The following GLYATL2 variants were observed in gnomAD, a reference collection of about 807,000 sequenced individuals.
GLYATL2 encodes the protein glycine-N-acyltransferase like 2.
GLYATL2 carries 25 observed loss-of-function variants against 21.4 expected under a neutral mutation model. The ratio of observed to expected loss-of-function variants is 1.17; its 90% CI spans 0.85 to 1.63. GLYATL2 has a LOEUF of 1.63. GLYATL2 is among the 40% of genes most tolerant of loss of function. The pLI, the probability that GLYATL2 is intolerant of heterozygous loss-of-function variation, is 0.00. For missense variants in GLYATL2, 361 were observed against 343.3 expected, an observed-to-expected ratio of 1.05 and a Z score of -0.41; for synonymous variants, 114 against 118.2, an observed-to-expected ratio of 0.96 and a Z score of 0.23.
chr11:58,902,613 G>C (rs1854759045), intron 1 of GLYATL2, among the ~76,000 whole-genome samples: 1 of 152,130 alleles, frequency 6.6e-6, no homozygotes, highest in South Asian at 2.1e-4. Context: ...AACTTCACCA[G>C]ACCTGGCCTT....
chr11:58,867,126 C>A (rs1854036164), intron 1 of GLYATL2, among the ~76,000 whole-genome samples: 1 of 148,908 alleles, frequency 6.7e-6, no homozygotes, highest in South Asian at 2.1e-4. Flanking sequence ...GTTTTAGGGC[C>A]TCATAGGGAT....
At chr11:58,895,010 T>C (rs1438172909) in intron 1 of GLYATL2, among the ~76,000 whole-genome samples, 2 of 152,160 alleles carry the variant, frequency 1.3e-5, no homozygotes, top group African/African-American at 4.8e-5. Flanking sequence ...AATTTGCCTG[T>C]TTCAAAATGG....
At chr11:58,877,334 A>T (rs1197817109) in intron 1 of GLYATL2, among the ~76,000 whole-genome samples, 1 of 152,210 alleles carries the variant, frequency 6.6e-6, no homozygotes, top group Non-Finnish European at 1.5e-5. Context: ...CCTCAGTTGG[A>T]AATGCAGAAA....
At chr11:58,872,960 T>C (rs1019193312) in intron 1 of GLYATL2, among the ~76,000 whole-genome samples, 101 of 152,352 alleles carry the variant, frequency 6.6e-4, no homozygotes, top group Non-Finnish European at 1.3e-3. Context: ...TTTTATTTCC[T>C]TGAGCAGTGG....
At chr11:58,890,662 G>A (rs999028277) in intron 1 of GLYATL2, among the ~76,000 whole-genome samples, 1 of 151,788 alleles carries the variant, frequency 6.6e-6, no homozygotes, top group Non-Finnish European at 1.5e-5. Context: ...TATTCTTGAG[G>A]GATAACATCC....
intron 1 of GLYATL2, among the ~76,000 whole-genome samples, chr11:58,897,106 A>G (rs543291414): frequency 6.6e-6 from 1 of 152,322 alleles, no homozygotes; most frequent in South Asian, 2.1e-4. Context: ...CTTTCCTTTT[A>G]CCTTCAGTAA....
intron 1 of GLYATL2, among the ~76,000 whole-genome samples, chr11:58,851,905 T>C (rs1853748266): frequency 6.6e-6 from 1 of 152,176 alleles, no homozygotes; most frequent in Admixed American, 6.5e-5. Flanking sequence ...GATAGCCTAC[T>C]GAGACGAGAA....
chr11:58,860,142 C>T (rs1207492958), intron 1 of GLYATL2, among the ~76,000 whole-genome samples: 1 of 151,900 alleles, frequency 6.6e-6, no homozygotes, highest in African/African-American at 2.4e-5. Flanking sequence ...GTTTTATATT[C>T]CTTTGAAGAA....
rs116730140 is a variant in GLYATL2, at chr11:58,889,354, G to A, written n.60+14802C>T. On this transcript the variant is annotated intron_variant and non_coding_transcript_variant, in intron 1 of 4. Transcript: ENST00000533636. ...TACTCTGCAAACAAAGTAATTTGCTGCTTCTTTGCCAATATTTATATGGGT... is the reference window on the plus strand; with the variant it reads ...TACTCTGCAAACAAAGTAATTTGCTACTTCTTTGCCAATATTTATATGGGT... Among the ~76,000 whole-genome samples, 1,111 of 151,902 alleles carry A rather than the reference G, an allele frequency of 7.3e-3. 26 individuals are homozygous for A. The highest frequency in any genetic ancestry group is 0.025 in the African/African-American group (1,051 of 41,462).
chr11:58,849,132 C>G (rs1228773375), upstream of GLYATL2, among the ~76,000 whole-genome samples: 1 of 152,106 alleles, frequency 6.6e-6, no homozygotes, highest in Non-Finnish European at 1.5e-5. Context: ...CTTTCCCAGA[C>G]AAGAGCTGAG....
upstream of GLYATL2, chr11:58,905,680 T>C: frequency 2.3e-6 from 1 of 436,090 alleles, no homozygotes; most frequent in South Asian, 1.6e-5. Context: ...GAACTGGCTG[T>C]GGACCGAGTG....
chr11:58,837,383 GTCA>G lies in GLYATL2; in HGVS notation c.198_200del (p.Asp67del), dbSNP rs776491963. ...GGTAAGTGTTGGTATAATGATCCTG[GTCA>G]TCTTTCATCTCCTGATATAACAAAT... is the stretch of plus-strand genomic sequence containing the variant. On this transcript the variant is annotated inframe_deletion, in exon 4 of 6. Transcript: ENST00000287275. 6.2e-7 allele frequency: 1 copy of G among 1,612,902 alleles called. No individual in the cohort carries two copies. Among genetic ancestry groups the G allele is most frequent in the Non-Finnish European group, 8.5e-7 (1 of 1,179,108 alleles).
At chr11:58,885,613 C>G in intron 1 of GLYATL2, 1 of 309,118 alleles carries the variant, frequency 3.2e-6, no homozygotes, top group Non-Finnish European at 6.3e-6. Context: ...ATTTCAGACA[C>G]CAGGGCTGCT....
At chr11:58,872,975 T>C (rs1854153704) in intron 1 of GLYATL2, among the ~76,000 whole-genome samples, 1 of 152,230 alleles carries the variant, frequency 6.6e-6, no homozygotes, top group African/African-American at 2.4e-5. Flanking sequence ...CAGTGGTTTG[T>C]AGTTCTCCTT....
intron 1 of GLYATL2, among the ~76,000 whole-genome samples, chr11:58,854,346 G>C (rs1015135673): frequency 6.6e-6 from 1 of 152,182 alleles, no homozygotes; most frequent in African/African-American, 2.4e-5. Context: ...CAATAAAGTG[G>C]GTATTCCAGT....
chr11:58,882,760 A>G (rs1854363614), intron 1 of GLYATL2, among the ~76,000 whole-genome samples: 1 of 152,198 alleles, frequency 6.6e-6, no homozygotes, highest in African/African-American at 2.4e-5. Flanking sequence ...ATTTTTGTAT[A>G]AAGTGTAAGG....
chr11:58,909,210 A>G (rs932052592), upstream of GLYATL2, among the ~76,000 whole-genome samples: 3 of 152,204 alleles, frequency 2.0e-5, no homozygotes, highest in Non-Finnish European at 2.9e-5. Context: ...TCAAACTCAT[A>G]GATGTAGAAG....
intron 1 of GLYATL2, chr11:58,893,411 G>A: frequency 4.2e-6 from 1 of 235,676 alleles, no homozygotes. Context: ...GTGGCCACCT[G>A]TGAGTGGCAC....
chr11:58,851,254 T>G (rs1302838179), intron 1 of GLYATL2, among the ~76,000 whole-genome samples: 3 of 152,196 alleles, frequency 2.0e-5, no homozygotes, highest in Non-Finnish European at 4.4e-5. Context: ...TGTGTCTTTA[T>G]TTCTATGATC....
Sources: gnomAD v4.1 joint callset for allele counts (sites outside exome capture counted in the v4.1 genomes callset) on GRCh38, gnomAD v4.1.1 for gene constraint, MANE v1.5 for transcripts, NCBI Gene and HGNC (gene_info 2026-07-23, HGNC 2026-07-21) for gene names.